TECTA: variants seen among roughly 807,000 people sequenced by gnomAD.
TECTA encodes tectorin alpha.
In TECTA, 128 loss-of-function variants were observed where a neutral mutation model predicts 216.8. The observed-to-expected ratio is 0.59, with a 90% CI of 0.51 to 0.68. The LOEUF is 0.68. Among genes scored for constraint, TECTA ranks in the 30% least tolerant of loss-of-function variants. The pLI is 0.00. For synonymous variants in TECTA, 1,089 were observed against 1,117.1 expected, an observed-to-expected ratio of 0.97 and a Z score of 0.50; for missense variants, 2,551 against 2,786.2, an observed-to-expected ratio of 0.92 and a Z score of 1.90.
In TECTA at chr11:121,158,212, G is replaced by A. The variant is rs1260495543; in HGVS notation, c.4677G>A (p.Arg1559=). 3 of 1,612,786 alleles carry A rather than the reference G, an allele frequency of 1.9e-6. No individual in the cohort carries two copies. The highest frequency in any genetic ancestry group is 2.5e-6 in the Non-Finnish European group (3 of 1,180,014). The part of the protein sequence containing the change: ...INEEQILIND[R]NTVKVNGTQV... ...AAGAGCAGATTCTCATCAACGACCG[G>A]AACACGGTCAAGGTAACCAGCCTGG... Residue 1559 remains arginine (R), a synonymous_variant, in exon 14 of 24, where the codon CGG becomes CGA. Coordinates refer to ENST00000392793, the MANE Select transcript of TECTA (RefSeq NM_005422.4).
chr11:121,144,802 G>A (rs560758495), intron 11 of TECTA, among the ~76,000 whole-genome samples: 3 of 152,192 alleles, frequency 2.0e-5, no homozygotes, highest in Non-Finnish European at 4.4e-5. Context: ...TCAATAAAAT[G>A]TGGTTCCTGC....
rs1946984736 is a variant in TECTA at position 121,160,248 on chromosome 11, T to C, written c.4803T>C (p.Asn1601=). 3 of 1,614,076 alleles carry C rather than the reference T, an allele frequency of 1.9e-6. No homozygotes were observed. Among genetic ancestry groups the C allele is most frequent in the Admixed American group, 1.7e-5 (1 of 60,008 alleles). Residue 1601 remains asparagine (N), a synonymous_variant, in exon 15 of 24, where the codon AAT becomes AAC. Coordinates refer to ENST00000392793, the MANE Select transcript of TECTA (RefSeq NM_005422.4). ...DTSPDIQIYY[N]GFNVIKISIS... is the part of the protein sequence containing the mutation. ...GCCCAGACATCCAGATATACTACAA[T>C]GGTTTCAACGTCATTAAAATCAGCA... is the stretch of plus-strand genomic sequence containing the variant.
intron 10 of TECTA, 53 bp downstream of exon 10, chr11:121,130,264 A>G: frequency 6.3e-7 from 1 of 1,582,756 alleles, no homozygotes; most frequent in South Asian, 1.1e-5. Context: ...AATAGGTGCC[A>G]TGCTGGGCCT....
chr11:121,137,136 A>G (rs780423126), intron 10 of TECTA, among the ~76,000 whole-genome samples: 2 of 152,210 alleles, frequency 1.3e-5, no homozygotes, highest in Non-Finnish European at 2.9e-5. Flanking sequence ...ACTCACATGC[A>G]CACACACGTG....
At chr11:121,123,228 G>A (rs989141101) in intron 7 of TECTA, among the ~76,000 whole-genome samples, 1 of 152,170 alleles carries the variant, frequency 6.6e-6, no homozygotes, top group African/African-American at 2.4e-5. Flanking sequence ...TCCAGCCCAT[G>A]AGCATGGATG....
In TECTA at chr11:121,153,089, G is replaced by T; in HGVS notation, c.4305+9G>T. 6.2e-7 allele frequency: 1 copy of T among 1,610,218 alleles called. No individual in the cohort carries two copies. The highest frequency in any genetic ancestry group is 8.5e-7 in the Non-Finnish European group (1 of 1,178,496). ...ATGGCAAATATTACGAGGTATGGGA[G>T]GCCAGCCCGGCCTTTTCCTCCTTGC... On this transcript the variant is annotated intron_variant, in intron 13 of 23. Transcript: ENST00000392793.
intron 10 of TECTA, among the ~76,000 whole-genome samples, chr11:121,132,841 C>T (rs1946688693): frequency 1.3e-5 from 2 of 152,166 alleles, no homozygotes; most frequent in Non-Finnish European, 2.9e-5. Context: ...TCTACCTCAG[C>T]CTCCCGAGTA....
At chr11:121,151,872 G>A (rs561911729) in intron 12 of TECTA, among the ~76,000 whole-genome samples, 1 of 152,212 alleles carries the variant, frequency 6.6e-6, no homozygotes, top group Non-Finnish European at 1.5e-5. Context: ...AATGGTAGCT[G>A]TGCTTTTAGT....
chr11:121,175,810 T>C (rs1280642996), intron 20 of TECTA, among the ~76,000 whole-genome samples: 1 of 152,278 alleles, frequency 6.6e-6, no homozygotes, highest in East Asian at 1.9e-4. Flanking sequence ...CCCATTATTA[T>C]TGTGTGGGAG....
Position 121,157,893 on chromosome 11 carries a change from G to A in TECTA, c.4358G>A (p.Arg1453His), listed in dbSNP as rs1946957940. 1 of 1,614,214 alleles carries A rather than the reference G, an allele frequency of 6.2e-7. No homozygotes were observed. Among genetic ancestry groups the A allele is most frequent in the Non-Finnish European group, 8.5e-7 (1 of 1,180,048 alleles). Residue 1453 changes from arginine (R) to histidine (H), a missense_variant, in exon 14 of 24, where the codon CGT (arginine) becomes CAT (histidine). By Grantham distance (29) the Arg-to-His change is conservative. Around this residue, in one of 3 missense-constraint regions of TECTA, gnomAD observed 2,375 missense variants for 2,563.9 expected, o/e 0.93. Transcript: ENST00000392793. The part of the protein sequence containing the change: ...SDCTRRCRCF[R>H]RNVIQCDPRQ... ...TGCACGCGGCGCTGCCGCTGTTTCC[G>A]TCGCAACGTGATTCAGTGCGACCCG...
At position 121,187,686 on chromosome 11, in the gene TECTA, C is replaced by A. The variant is rs1947300944; in HGVS notation, c.6000-146C>A. The A allele has an allele frequency of 6.4e-6, 5 of 783,100 alleles. No homozygotes were observed. In the East Asian group the frequency reaches 7.8e-5, roughly 12 times the overall value. The allele number at this position is 783,100 out of a possible 1,614,324, so 48.5% of individuals were successfully genotyped here. A position where few individuals can be genotyped will look rare whatever the true frequency, so the allele number is the denominator to read the frequency against. Reference sequence around the variant, plus strand: ...AGTGATAATAAATGACAAGCCCATGCAGTCCAGGGGTCACTTTCAAATGTA... The same window carrying A: ...AGTGATAATAAATGACAAGCCCATGAAGTCCAGGGGTCACTTTCAAATGTA... On this transcript the variant is annotated intron_variant, in intron 20 of 23. Transcript: ENST00000392793.
intron 16 of TECTA, 82 bp from the exon 17 acceptor site, chr11:121,165,191 C>T (rs1947038921): frequency 9.1e-6 from 12 of 1,320,078 alleles, no homozygotes; most frequent in Non-Finnish European, 1.3e-5. Context: ...ATTAAAGTGG[C>T]AAGTCTGGAG....
intron 2 of TECTA, among the ~76,000 whole-genome samples, chr11:121,103,435 C>T (rs956666404): frequency 6.6e-6 from 1 of 152,100 alleles, no homozygotes; most frequent in African/African-American, 2.4e-5. Flanking sequence ...GAGATGAACA[C>T]GTCAAGCCCC....
rs775299739 is a variant in TECTA at position 121,137,767 on chromosome 11, C to T, written c.3288C>T (p.Thr1096=). The T allele has an allele frequency of 9.9e-6, 16 of 1,614,162 alleles. No individual in the cohort carries two copies. The highest frequency in any genetic ancestry group is 5.0e-5 in the Admixed American group (3 of 60,022). ...EGGLYYCQAR[T]DASCIVSGYG... ...GCCTGTACTACTGCCAAGCCCGCAC[C>T]GACGCCTCCTGCATCGTCTCAGGCT... is the stretch of plus-strand genomic sequence containing the variant. The change falls in exon 11 of 24, where the codon ACC becomes ACT. Residue 1096 remains threonine, a synonymous_variant. Transcript: ENST00000392793.
At chr11:121,172,317 T>A (rs1947120618) in intron 20 of TECTA, among the ~76,000 whole-genome samples, 1 of 151,958 alleles carries the variant, frequency 6.6e-6, no homozygotes, top group Non-Finnish European at 1.5e-5. Flanking sequence ...TAGGTGTATC[T>A]CCTAAAGCTA....
intron 11 of TECTA, among the ~76,000 whole-genome samples, chr11:121,140,719 C>T (rs935501228): frequency 6.6e-6 from 1 of 152,154 alleles, no homozygotes; most frequent in African/African-American, 2.4e-5. Flanking sequence ...CACCTTGTGG[C>T]AGCATAAACT....
At chr11:121,185,017 T>A (rs938982655) in intron 20 of TECTA, among the ~76,000 whole-genome samples, 7 of 152,216 alleles carry the variant, frequency 4.6e-5, no homozygotes, top group African/African-American at 1.7e-4. Flanking sequence ...AGGGCTTATG[T>A]CTCCTTTGAA....
At position 121,152,943 on chromosome 11, in the gene TECTA, G is replaced by T. The variant is rs1481202790; in HGVS notation, c.4168G>T (p.Ala1390Ser). The T allele has an allele frequency of 1.2e-6, 2 of 1,613,094 alleles. No individual in the cohort carries two copies. The highest frequency in any genetic ancestry group is 4.5e-5 in the East Asian group (2 of 44,848). ...CGTGAGTGTCTGCCAGCCCCGCTGC[G>T]CCGCCATCCGCCTGAAGAGTGACTG... is the stretch of plus-strand genomic sequence containing the variant. Reference protein sequence around the residue: ...SCVSVCQPRCAAIRLKSDCSH... With the variant: ...SCVSVCQPRCSAIRLKSDCSH... Residue 1390 changes from alanine (A) to serine (S), a missense_variant, in exon 13 of 24, where the codon GCC (alanine) becomes TCC (serine). Ala to Ser is a moderately conservative substitution (Grantham distance 99, BLOSUM62 1). Transcript: ENST00000392793.
At chr11:121,115,218 C>T (rs1443369382) in intron 6 of TECTA, among the ~76,000 whole-genome samples, 1 of 152,020 alleles carries the variant, frequency 6.6e-6, no homozygotes, top group Non-Finnish European at 1.5e-5. Flanking sequence ...TTTATCCATC[C>T]ACCCATTCAC....
Sources: gnomAD v4.1 joint callset for allele counts (sites outside exome capture counted in the v4.1 genomes callset) on GRCh38, gnomAD v4.1.1 for gene constraint, gnomAD v4.1.1 regional missense constraint, MANE v1.5 for transcripts, NCBI Gene and HGNC (gene_info 2026-07-23, HGNC 2026-07-21) for gene names.